Variants in ATRNL1 observed in about 807,000 individuals in gnomAD.
The protein encoded by ATRNL1 is attractin-like protein 1.
In ATRNL1, 95 loss-of-function variants were observed where a neutral mutation model predicts 182.7. The observed-to-expected ratio is 0.52, with a 90% confidence interval of 0.44 to 0.62. The LOEUF is 0.62. ATRNL1 is among the 20% of genes least tolerant of loss of function. The pLI, the probability that ATRNL1 is intolerant of heterozygous loss-of-function variation, is 0.00. For missense variants in ATRNL1, 1,471 were observed against 1,679.5 expected (o/e 0.88, Z 2.17); for synonymous variants, 576 against 568.3 (o/e 1.01, Z -0.19).
intron 20 of ATRNL1, among the ~76,000 whole-genome samples, chr10:115,420,758 T>C (rs1845615744): frequency 6.6e-6 from 1 of 150,948 alleles, no homozygotes; most frequent in Non-Finnish European, 1.5e-5. Context: ...ATCAAGAAAA[T>C]GAAGAGTTGG....
rs140040875 is a variant in ATRNL1 at position 115,757,435 on chromosome 10, T to A, written c.3903+30080T>A. On this transcript the variant is annotated intron_variant, in intron 27 of 28. Coordinates refer to ENST00000355044, the MANE Select transcript of ATRNL1 (RefSeq NM_207303.4). ...ACTTATGAAGCTTAGTTTCGCTGGA[T>A]ATGAAATTCTGGGCTGAAAATTCTT... Among the ~76,000 whole-genome samples, 453 of 152,322 alleles carry A rather than the reference T, an allele frequency of 3.0e-3. 3 individuals carry two copies. The highest frequency in any genetic ancestry group is 0.01 in the African/African-American group (426 of 41,570).
intron 24 of ATRNL1, among the ~76,000 whole-genome samples, chr10:115,491,207 G>T (rs1554976496): frequency 6.6e-6 from 1 of 152,086 alleles, no homozygotes; most frequent in Non-Finnish European, 1.5e-5. Context: ...TGATACACTG[G>T]GGGTCAGGGA....
intron 20 of ATRNL1, among the ~76,000 whole-genome samples, chr10:115,406,263 G>A (rs1157226275): frequency 2.0e-5 from 3 of 152,044 alleles, no homozygotes; most frequent in Admixed American, 6.6e-5. Context: ...CTGAGGAATC[G>A]CCACACTGAC....
Position 115,461,974 on chromosome 10 carries a change from GC to G in ATRNL1, c.3357del (p.Leu1120TyrfsTer12). On this transcript the variant is annotated frameshift_variant, in exon 22 of 29. Transcript: ENST00000355044. LOFTEE classifies it high-confidence loss of function. ...SLLIDYQFTF[S>X]LLQEDDRHHT... The stretch of plus-strand genomic sequence containing the variant: ...TTGATTGATTATCAATTTACCTTCA[GC>G]TTATTACAGGAAGATGATCGCCACC... 2 of 1,610,570 alleles carry G rather than the reference GC, an allele frequency of 1.2e-6. No homozygotes were observed. Among genetic ancestry groups the G allele is most frequent in the Non-Finnish European group, 1.7e-6 (2 of 1,178,302 alleles).
intron 26 of ATRNL1, among the ~76,000 whole-genome samples, chr10:115,719,762 CT>C (rs1463540490): frequency 2.0e-5 from 3 of 151,754 alleles, no homozygotes; most frequent in Non-Finnish European, 2.9e-5. Flanking sequence ...CAAAGCTTAA[CT>C]GATTTGATTA....
chr10:115,344,895 C>G (rs1274625476), intron 19 of ATRNL1, among the ~76,000 whole-genome samples: 2 of 152,158 alleles, frequency 1.3e-5, no homozygotes, highest in Non-Finnish European at 2.9e-5. Flanking sequence ...CAGTGGGTTC[C>G]TTTCTGGCCC....
chr10:115,626,918 T>C (rs1201637612), intron 26 of ATRNL1, among the ~76,000 whole-genome samples: 1 of 152,196 alleles, frequency 6.6e-6, no homozygotes, highest in African/African-American at 2.4e-5. Flanking sequence ...ACATATGTAT[T>C]TCTATCTCCT....
intron 27 of ATRNL1, among the ~76,000 whole-genome samples, chr10:115,756,034 G>A (rs573307160): frequency 1.3e-5 from 2 of 151,092 alleles, no homozygotes; most frequent in Non-Finnish European, 2.9e-5. Context: ...ATTTTTTATT[G>A]TGTCTATTTG....
At chr10:115,321,817 G>T (rs998564172) in intron 18 of ATRNL1, among the ~76,000 whole-genome samples, 3 of 152,016 alleles carry the variant, frequency 2.0e-5, no homozygotes, top group African/African-American at 7.2e-5. Flanking sequence ...AAAGAAGGGA[G>T]TCAAATTGTA....
chr10:115,622,506 C>G (rs984182053), intron 26 of ATRNL1, among the ~76,000 whole-genome samples: 11 of 152,170 alleles, frequency 7.2e-5, no homozygotes, highest in Admixed American at 7.2e-4. Context: ...GCTTCTTAAC[C>G]TCCCATCTTT....
At chr10:115,440,764 C>T (rs1371622176) in intron 21 of ATRNL1, among the ~76,000 whole-genome samples, 2 of 151,750 alleles carry the variant, frequency 1.3e-5, no homozygotes, top group African/African-American at 2.4e-5. Context: ...TTCACCCTCA[C>T]GTTGCTGGGG....
chr10:115,535,605 A>T (rs933634924), intron 25 of ATRNL1, among the ~76,000 whole-genome samples: 41 of 152,006 alleles, frequency 2.7e-4, no homozygotes, highest in African/African-American at 9.9e-4. Context: ...TCTTCTCTCA[A>T]CTCATCAGAG....
chr10:115,721,080 A>G (rs1947407284), intron 26 of ATRNL1, among the ~76,000 whole-genome samples: 2 of 152,126 alleles, frequency 1.3e-5, no homozygotes, highest in African/African-American at 4.8e-5. Context: ...TCCAGTCCTC[A>G]TCTATTTGCC....
At chr10:115,784,110 T>G (rs1338189103) in intron 27 of ATRNL1, among the ~76,000 whole-genome samples, 31 of 152,224 alleles carry the variant, frequency 2.0e-4, no homozygotes, top group Non-Finnish European at 7.3e-5. Flanking sequence ...AACAAGAGAT[T>G]AAATTCTCTG....
At chr10:115,321,086 G>A (rs1554931332) in intron 18 of ATRNL1, among the ~76,000 whole-genome samples, 1 of 151,986 alleles carries the variant, frequency 6.6e-6, no homozygotes. Context: ...AGGGTTTTTT[G>A]TGGGGCCTTT....
intron 27 of ATRNL1, among the ~76,000 whole-genome samples, chr10:115,737,504 A>G (rs1406747057): frequency 6.6e-6 from 1 of 151,742 alleles, no homozygotes; most frequent in Non-Finnish European, 1.5e-5. Flanking sequence ...CCCTACTTAC[A>G]CTATCTGTAG....
intron 19 of ATRNL1, among the ~76,000 whole-genome samples, chr10:115,368,056 G>A (rs1237593492): frequency 2.0e-5 from 3 of 152,196 alleles, no homozygotes; most frequent in Admixed American, 2.0e-4. Context: ...ACCCAGTTCA[G>A]TTGGAGCTCC....
At chr10:115,419,605 C>A (rs1554961580) in intron 20 of ATRNL1, among the ~76,000 whole-genome samples, 2 of 151,898 alleles carry the variant, frequency 1.3e-5, no homozygotes. Context: ...AATGGAACCC[C>A]AAAAAGAACA....
At chr10:115,505,512 C>G (rs935321112) in intron 24 of ATRNL1, among the ~76,000 whole-genome samples, 1 of 151,808 alleles carries the variant, frequency 6.6e-6, no homozygotes, top group East Asian at 1.9e-4. Flanking sequence ...AACAAACAAA[C>G]AAAAAACAGA....
Sources: allele counts gnomAD v4.1 joint callset (sites outside exome capture counted in the v4.1 genomes callset), GRCh38; gene constraint gnomAD v4.1.1; transcripts MANE v1.5; gene names NCBI Gene and HGNC (gene_info 2026-07-23, HGNC 2026-07-21).